The following MAD2L2 variants were observed in gnomAD, a reference collection of about 807,000 sequenced individuals.
MAD2L2 encodes mitotic arrest deficient 2 like 2, also known as mitotic spindle assembly checkpoint protein MAD2B.
Under a neutral mutation model 30.5 loss-of-function variants are expected in MAD2L2, and 17 were observed. That is an observed-to-expected ratio of 0.56 (90% CI 0.38 to 0.84). MAD2L2 has a LOEUF of 0.84. Ranked by LOEUF, MAD2L2 falls within the 40% of genes least tolerant of loss-of-function variation. The pLI, the probability that MAD2L2 is intolerant of heterozygous loss-of-function variation, is 0.00. For synonymous variants in MAD2L2, 101 were observed against 113.9 expected (o/e 0.89, Z 0.72); for missense variants, 213 against 277.4 (o/e 0.77, Z 1.65).
intron 5 of MAD2L2, 96 bp downstream of exon 5, chr1:11,676,752 T>G: frequency 1.1e-6 from 1 of 942,880 alleles, no homozygotes; most frequent in Non-Finnish European, 1.7e-6. Context: ...CTCCCAGGCC[T>G]TTACCAAGGT....
intron 3 of MAD2L2, among the ~76,000 whole-genome samples, chr1:11,678,327 C>T (rs1247247664): frequency 6.6e-6 from 1 of 152,072 alleles, no homozygotes; most frequent in Non-Finnish European, 1.5e-5. Context: ...AGGAGAATCA[C>T]TTGAACCTGG....
At chr1:11,675,269 C>G (rs1050087999) in intron 7 of MAD2L2, 95 bp from the exon 8 acceptor site, 2 of 807,892 alleles carry the variant, frequency 2.5e-6, no homozygotes, top group Non-Finnish European at 3.9e-6. Context: ...GGGCCTCCAA[C>G]CTGAGCCTCA....
chr1:11,677,376 C>A, intron 4 of MAD2L2, 167 bp downstream of exon 4: 1 of 691,804 alleles, frequency 1.4e-6, no homozygotes, highest in African/African-American at 1.8e-5. Flanking sequence ...GGGGCCTGCC[C>A]CTGGGTTGGG....
Position 11,688,582 on chromosome 1 carries a change from A to G in MAD2L2, c.-692+2831T>C, listed in dbSNP as rs1289862666. ...TCTCAAAAAAAAAAAAGAAAAAGCA[A>G]TCAGCAAACCTGCTAAAAACCTAAG... On this transcript the variant is annotated intron_variant, in intron 1 of 10. Coordinates refer to the MAD2L2 transcript ENST00000235310. The surrounding 1 kb of genome is among the most constrained non-coding windows in gnomAD (Gnocchi z 4.6). Among the ~76,000 whole-genome samples, 1 of 151,904 alleles carries G rather than the reference A, an allele frequency of 6.6e-6. No homozygotes were observed.
At position 11,686,639 on chromosome 1, in the gene MAD2L2, G is replaced by T. The variant is rs577590728; in HGVS notation, c.-691-4623C>A. 3.3e-5 allele frequency among the ~76,000 whole-genome samples: 5 copies of T among 152,200 alleles called. No homozygotes were observed. In the South Asian group the frequency reaches 1.0e-3, roughly 32 times the overall value. On this transcript the variant is annotated intron_variant, in intron 1 of 10. Coordinates refer to the MAD2L2 transcript ENST00000235310. Reference sequence around the variant, plus strand: ...GCTGGCCTCGAACTCCTGACCCCAAGTGATGTGCCCGCCTCCACCTGCCAA... The same window carrying T: ...GCTGGCCTCGAACTCCTGACCCCAATTGATGTGCCCGCCTCCACCTGCCAA...
rs1570286418 is a variant in MAD2L2, at chr1:11,677,561, G to A, written c.213C>T (p.Val71=). 6.2e-7 allele frequency: 1 copy of A among 1,613,794 alleles called. No homozygotes were observed. Among genetic ancestry groups the A allele is most frequent in the Admixed American group, 1.7e-5 (1 of 60,008 alleles). ...NQYIQDTLHC[V]KPLLEKNDVE... ...CCCTCACCTTCTCCAGGAGTGGCTT[G>A]ACGCAGTGCAGCGTGTCCTGGATAT... Residue 71 remains valine, a synonymous_variant, in exon 4 of 9, where the codon GTC becomes GTT. Coordinates refer to ENST00000376692, the MANE Select transcript of MAD2L2 (RefSeq NM_006341.4).
At position 11,687,985 on chromosome 1, in the gene MAD2L2, A is replaced by G. The variant is rs768858442; in HGVS notation, c.-692+3428T>C. 7.9e-5 allele frequency among the ~76,000 whole-genome samples: 12 copies of G among 152,200 alleles called. No individual in the cohort carries two copies. The highest frequency in any genetic ancestry group is 3.3e-4 in the Admixed American group (5 of 15,270). ...GATAGGAGTCCAGGCCTCTCCTAAC[A>G]TCCACCTTTTCATATTGTGTCACCC... On this transcript the variant is annotated intron_variant, in intron 1 of 10. Transcript: ENST00000235310. This position sits in a 1 kb window ranked among gnomAD's most constrained non-coding sequence, Gnocchi z 4.1.
upstream of MAD2L2, among the ~76,000 whole-genome samples, chr1:11,686,089 T>G (rs1640950999): frequency 6.6e-6 from 1 of 152,154 alleles, no homozygotes; most frequent in Admixed American, 6.5e-5. Context: ...CTGTCACACT[T>G]TTCAAAACCC....
chr1:11,679,497 G>C (rs562822304), intron 3 of MAD2L2, among the ~76,000 whole-genome samples: 7 of 152,196 alleles, frequency 4.6e-5, no homozygotes, highest in African/African-American at 1.7e-4. Flanking sequence ...CCAGCTTCAC[G>C]AGCTCCTTCA....
intron 6 of MAD2L2, 135 bp downstream of exon 6, chr1:11,675,911 C>T (rs1325883817): frequency 1.1e-6 from 1 of 904,826 alleles, no homozygotes. Context: ...ATCAGGGAAG[C>T]TTCCCAGAGG....
rs1273847501 is a variant in MAD2L2, at chr1:11,674,671, G to T, written c.*104C>A. 2 of 1,239,344 alleles carry T rather than the reference G, an allele frequency of 1.6e-6. No homozygotes were observed. The highest frequency in any genetic ancestry group is 1.2e-6 in the Non-Finnish European group (1 of 852,356). The allele number at this position is 1,239,344 out of a possible 1,614,324, so 76.8% of individuals were successfully genotyped here. A position where few individuals can be genotyped will look rare whatever the true frequency, so the allele number is the denominator to read the frequency against. ...CTGGGGCGGGCGATCCACACACAGAGGCGATAAGAGCACTTGGAATCAGGG... is the reference window on the plus strand; with the variant it reads ...CTGGGGCGGGCGATCCACACACAGATGCGATAAGAGCACTTGGAATCAGGG... On this transcript the variant is annotated 3_prime_UTR_variant, in exon 9 of 9. Transcript: ENST00000376692. This position sits in a 1 kb window ranked among gnomAD's most constrained non-coding sequence, Gnocchi z 6.1.
chr1:11,676,888 A>C lies in MAD2L2; in HGVS notation c.292T>G (p.Phe98Val). Residue 98 changes from phenylalanine to valine, a missense_variant, in exon 5 of 9, where the codon TTC becomes GTC. By Grantham distance (50) the Phe-to-Val change is conservative (BLOSUM62 -1). Transcript: ENST00000376692. ...GGAGGCTGGGTGATCTCAAAGACGAATTTCTCCACTGGGCGGTGCTCTTTA... is the reference window on the plus strand; with the variant it reads ...GGAGGCTGGGTGATCTCAAAGACGACTTTCTCCACTGGGCGGTGCTCTTTA... ...LDKEHRPVEK[F>V]VFEITQPPLL... 6 of 1,614,120 alleles carry C rather than the reference A, an allele frequency of 3.7e-6. No homozygotes were observed. Among genetic ancestry groups the C allele is most frequent in the Non-Finnish European group, 5.1e-6 (6 of 1,180,006 alleles).
In MAD2L2 at chr1:11,688,575, A is replaced by G. The variant is rs1641004408; in HGVS notation, c.-692+2838T>C. On this transcript the variant is annotated intron_variant, in intron 1 of 10. Transcript: ENST00000235310. The surrounding 1 kb of genome is among the most constrained non-coding windows in gnomAD (Gnocchi z 4.6). ...GACTGCATCTCAAAAAAAAAAAAGA[A>G]AAAGCAATCAGCAAACCTGCTAAAA... Among the ~76,000 whole-genome samples, 1 of 152,054 alleles carries G rather than the reference A, an allele frequency of 6.6e-6. No individual in the cohort carries two copies. The highest frequency in any genetic ancestry group is 1.9e-4 in the East Asian group (1 of 5,174).
chr1:11,675,002 C>T (rs1640732663), intron 8 of MAD2L2, 80 bp downstream of exon 8: 2 of 1,350,152 alleles, frequency 1.5e-6, no homozygotes, highest in African/African-American at 1.5e-5. Flanking sequence ...CCCGCAAGCC[C>T]TCTAGTAAGG....
upstream of MAD2L2, among the ~76,000 whole-genome samples, chr1:11,684,740 G>A (rs11121796): frequency 0.18 from 27,359 of 151,982 alleles, 2,597 homozygotes; most frequent in South Asian, 0.21. Context: ...CCTGCCTAAG[G>A]TTCCCAGGAC....
intron 4 of MAD2L2, 60 bp downstream of exon 4, chr1:11,677,483 G>T: frequency 6.7e-7 from 1 of 1,500,032 alleles, no homozygotes; most frequent in Non-Finnish European, 9.3e-7. Flanking sequence ...TGGACTGTGA[G>T]CACACAGGGA....
chr1:11,679,833 G>A (rs375128336), intron 3 of MAD2L2, among the ~76,000 whole-genome samples: 9 of 148,384 alleles, frequency 6.1e-5, no homozygotes, highest in African/African-American at 1.5e-4. Flanking sequence ...GGCCACCCCC[G>A]GGGTAACTCT....
chr1:11,677,771 A>G (rs895532501), intron 3 of MAD2L2, among the ~76,000 whole-genome samples, 157 bp from the exon 4 acceptor site: 3 of 152,168 alleles, frequency 2.0e-5, no homozygotes, highest in Non-Finnish European at 2.9e-5. Context: ...TCAAGAGGCT[A>G]AGAACTGGCC....
chr1:11,685,769 C>T (rs527465813), upstream of MAD2L2, among the ~76,000 whole-genome samples: 16 of 152,130 alleles, frequency 1.1e-4, no homozygotes, highest in African/African-American at 3.6e-4. Flanking sequence ...CCAGCCTGGG[C>T]AACATGGCAA....
Sources: gnomAD v4.1 joint callset for allele counts (sites outside exome capture counted in the v4.1 genomes callset) on GRCh38, gnomAD v4.1.1 for gene constraint, Gnocchi (gnomAD v3.1) non-coding constraint, MANE v1.5 for transcripts, NCBI Gene and HGNC (gene_info 2026-07-23, HGNC 2026-07-21) for gene names.